EPB41L2: variants seen among roughly 807,000 people sequenced by gnomAD.
The protein encoded by EPB41L2 is erythrocyte membrane protein band 4.1 like 2, also known as band 4.1-like protein 2.
Under a neutral mutation model 113.0 loss-of-function variants are expected in EPB41L2, and 43 were observed. The observed-to-expected ratio is 0.38, with a 90% CI of 0.30 to 0.49. The LOEUF (loss-of-function observed/expected upper bound fraction) is 0.49. EPB41L2 is among the 20% of genes least tolerant of loss of function. The probability of loss-of-function intolerance (pLI) is 0.95; values close to 1 mark genes in which losing one functional copy is unlikely to be tolerated. For missense variants in EPB41L2, 1,147 were observed against 1,223.4 expected (o/e 0.94, Z 0.93); for synonymous variants, 442 against 436.7 (o/e 1.01, Z -0.15).
At chr6:130,845,482 A>ATC (rs1776761790) in intron 19 of EPB41L2, among the ~76,000 whole-genome samples, 1 of 152,072 alleles carries the variant, frequency 6.6e-6, no homozygotes, top group Non-Finnish European at 1.5e-5. Context: ...GACTCAAGGG[A>ATC]TCCTCCTGCC....
intron 3 of EPB41L2, among the ~76,000 whole-genome samples, chr6:130,952,109 T>C (rs1815333807): frequency 6.6e-6 from 1 of 152,220 alleles, no homozygotes; most frequent in Admixed American, 6.5e-5. Flanking sequence ...GTATTTCACA[T>C]ACATTTGATT....
chr6:130,916,315 G>A (rs1801073146), intron 4 of EPB41L2, among the ~76,000 whole-genome samples: 1 of 152,128 alleles, frequency 6.6e-6, no homozygotes. Context: ...CCACAAATCT[G>A]AGGATGAAAG....
At chr6:130,852,284 T>C (rs1778979624) in intron 19 of EPB41L2, among the ~76,000 whole-genome samples, 1 of 152,224 alleles carries the variant, frequency 6.6e-6, no homozygotes, top group Non-Finnish European at 1.5e-5. Flanking sequence ...GCAAATCTGC[T>C]ATCCTATGCT....
At chr6:130,892,800 G>GT (rs1261556987) in intron 10 of EPB41L2, among the ~76,000 whole-genome samples, 1 of 152,124 alleles carries the variant, frequency 6.6e-6, no homozygotes, top group Admixed American at 6.5e-5. Context: ...GTTCTAAGTT[G>GT]TTTCATGTGT....
In EPB41L2 at chr6:131,060,973, T is replaced by C. The variant is rs894302083; in HGVS notation, c.-15+2182A>G. Among the ~76,000 whole-genome samples, 12 of 152,338 alleles carry C rather than the reference T, an allele frequency of 7.9e-5. No homozygotes were observed. The South Asian group carries it at 2.5e-3, about 32-fold the overall frequency. On this transcript the variant is annotated intron_variant, in intron 1 of 19. Coordinates refer to ENST00000337057, the MANE Select transcript of EPB41L2 (RefSeq NM_001431.4). ...CTGAAATTATAGCTTTAACTGATTT[T>C]TTAAAATCACTTTTAATCTTTTTTA...
intron 19 of EPB41L2, among the ~76,000 whole-genome samples, chr6:130,852,800 G>A (rs1307845372): frequency 1.3e-5 from 2 of 152,034 alleles, no homozygotes; most frequent in African/African-American, 2.4e-5. Context: ...CATCTCCATC[G>A]CTCTCCTACA....
At chr6:130,971,645 A>T (rs1776808316) in intron 1 of EPB41L2, among the ~76,000 whole-genome samples, 1 of 152,226 alleles carries the variant, frequency 6.6e-6, no homozygotes, top group Admixed American at 6.5e-5. Context: ...TCATCATGCT[A>T]CTAAAAATGG....
chr6:131,034,192 G>A (rs1306117459), intron 1 of EPB41L2, among the ~76,000 whole-genome samples: 1 of 152,072 alleles, frequency 6.6e-6, no homozygotes, highest in East Asian at 1.9e-4. Context: ...CCACACAAAG[G>A]GAATGTTAAC....
intron 19 of EPB41L2, among the ~76,000 whole-genome samples, chr6:130,852,126 C>T (rs1238348593): frequency 1.3e-5 from 2 of 152,164 alleles, no homozygotes; most frequent in African/African-American, 2.4e-5. Flanking sequence ...TCATGGCCGA[C>T]CTTGTAAGTT....
chr6:131,050,592 C>T (rs1205510349), intron 1 of EPB41L2, among the ~76,000 whole-genome samples: 3 of 152,126 alleles, frequency 2.0e-5, no homozygotes, highest in Non-Finnish European at 2.9e-5. Context: ...TTTTGTTTTA[C>T]CATCCCTAAA....
chr6:130,926,521 G>T, intron 4 of EPB41L2, 84 bp downstream of exon 4: 1 of 1,009,436 alleles, frequency 9.9e-7, no homozygotes, highest in Non-Finnish European at 1.5e-6. Flanking sequence ...TTATTTTAAA[G>T]CTAAATTTTA....
intron 6 of EPB41L2, among the ~76,000 whole-genome samples, chr6:130,902,759 G>C (rs983574057): frequency 2.6e-5 from 4 of 151,976 alleles, no homozygotes; most frequent in African/African-American, 9.7e-5. Flanking sequence ...TTTCACATTG[G>C]TCCTTTCCTC....
chr6:131,054,161 A>C (rs1381120623), intron 1 of EPB41L2, among the ~76,000 whole-genome samples: 1 of 152,176 alleles, frequency 6.6e-6, no homozygotes, highest in African/African-American at 2.4e-5. Context: ...GGATCTCTCC[A>C]GTCTTCCATT....
At chr6:130,847,077 G>A (rs946764318) in intron 19 of EPB41L2, among the ~76,000 whole-genome samples, 7 of 152,192 alleles carry the variant, frequency 4.6e-5, no homozygotes, top group South Asian at 4.1e-4. Flanking sequence ...AAGACCATCT[G>A]CAATTTGCCT....
intron 1 of EPB41L2, among the ~76,000 whole-genome samples, chr6:131,025,431 C>G (rs1444234070): frequency 1.3e-5 from 2 of 152,136 alleles, no homozygotes; most frequent in Non-Finnish European, 2.9e-5. Flanking sequence ...CGAGATCAGA[C>G]AGCGATTATT....
At chr6:130,910,920 G>T (rs973215552) in intron 4 of EPB41L2, among the ~76,000 whole-genome samples, 3 of 152,216 alleles carry the variant, frequency 2.0e-5, no homozygotes, top group Non-Finnish European at 4.4e-5. Context: ...CTTTTACACT[G>T]TTGGTGGGAG....
chr6:130,863,545 G>T (rs772259574), intron 18 of EPB41L2, 93 bp downstream of exon 18: 1 of 850,230 alleles, frequency 1.2e-6, no homozygotes, highest in Non-Finnish European at 1.9e-6. Context: ...GGTTTGGGGA[G>T]AAGAGGTTTA....
At chr6:130,939,960 A>C (rs1810250988) in intron 3 of EPB41L2, among the ~76,000 whole-genome samples, 1 of 152,176 alleles carries the variant, frequency 6.6e-6, no homozygotes. Context: ...ATCTGTTCTA[A>C]GACAATGCAG....
intron 19 of EPB41L2, among the ~76,000 whole-genome samples, chr6:130,849,461 C>G (rs1778117193): frequency 6.6e-6 from 1 of 152,072 alleles, no homozygotes; most frequent in African/African-American, 2.4e-5. Context: ...AGGTTAATAA[C>G]TTTAATCTGA....
Sources: gnomAD v4.1 joint callset for allele counts (sites outside exome capture counted in the v4.1 genomes callset) on GRCh38, gnomAD v4.1.1 for gene constraint, MANE v1.5 for transcripts, NCBI Gene and HGNC (gene_info 2026-07-23, HGNC 2026-07-21) for gene names.